Variants in CNTNAP2 observed in about 807,000 individuals in gnomAD.
CNTNAP2 encodes contactin-associated protein-like 2.
CNTNAP2 carries 98 observed loss-of-function variants against 155.2 expected under a neutral mutation model. That is an observed-to-expected ratio of 0.63 (90% CI 0.54 to 0.75). CNTNAP2 has a LOEUF of 0.75. Among genes scored for constraint, CNTNAP2 ranks in the 30% least tolerant of loss-of-function variants. The pLI is 0.00. For missense variants in CNTNAP2, 1,727 were observed against 1,688.1 expected, an observed-to-expected ratio of 1.02 and a Z score of -0.40; for synonymous variants, 651 against 631.2, an observed-to-expected ratio of 1.03 and a Z score of -0.47.
intron 1 of CNTNAP2, among the ~76,000 whole-genome samples, chr7:146,666,132 C>T (rs116657146): frequency 0.013 from 1,937 of 152,106 alleles, 32 homozygotes; most frequent in African/African-American, 0.041. Flanking sequence ...TGATAAATCT[C>T]TCCCTCTCTC....
chr7:148,266,791 C>T (rs1796678069), intron 20 of CNTNAP2, among the ~76,000 whole-genome samples: 2 of 152,150 alleles, frequency 1.3e-5, no homozygotes, highest in African/African-American at 4.8e-5. Flanking sequence ...AGAAAATGTA[C>T]ATCACCTGGA....
chr7:146,500,923 T>C (rs1161162128), intron 1 of CNTNAP2, among the ~76,000 whole-genome samples: 2 of 152,194 alleles, frequency 1.3e-5, no homozygotes, highest in African/African-American at 4.8e-5. Flanking sequence ...ACTATACTTA[T>C]CATGAAAGGG....
At chr7:147,203,363 CT>C (rs1310426712) in intron 8 of CNTNAP2, among the ~76,000 whole-genome samples, 2 of 152,104 alleles carry the variant, frequency 1.3e-5, no homozygotes, top group African/African-American at 4.8e-5. Context: ...TCCCCAGTAG[CT>C]GGGATTACAG....
rs1799531248 is a variant in CNTNAP2 at position 146,632,799 on chromosome 7, T to C, written c.98-141472T>C. ...ATTTAAAATTATAATCTATGAATACTCATCAAAAATCACATTAGAATTTAT... is the reference window on the plus strand; with the variant it reads ...ATTTAAAATTATAATCTATGAATACCCATCAAAAATCACATTAGAATTTAT... On this transcript the variant is annotated intron_variant, in intron 1 of 23. Transcript: ENST00000361727. Among the ~76,000 whole-genome samples the C allele has an allele frequency of 2.0e-5, 3 of 152,022 alleles. No individual in the cohort carries two copies. In the South Asian group the frequency reaches 6.2e-4, roughly 31 times the overall value.
At chr7:147,931,986 G>C (rs1800514084) in intron 14 of CNTNAP2, among the ~76,000 whole-genome samples, 1 of 151,918 alleles carries the variant, frequency 6.6e-6, no homozygotes, top group South Asian at 2.1e-4. Flanking sequence ...CCCGTGCTCA[G>C]GCGATCCTCC....
rs553711747 is a variant in CNTNAP2 at position 147,157,694 on chromosome 7, G to C, written c.1348+25185G>C. Among the ~76,000 whole-genome samples, 8 of 152,086 alleles carry C rather than the reference G, an allele frequency of 5.3e-5. No individual in the cohort carries two copies. The East Asian group carries it at 1.5e-3, about 29-fold the overall frequency. ...GCTTCCACATCCCTCATTTGTCATT[G>C]TTTTGCAAGATCCTAGCCCAGTGCC... On this transcript the variant is annotated intron_variant, in intron 8 of 23. Transcript: ENST00000361727.
At chr7:146,721,887 A>ATTTTT (rs1265800742) in intron 1 of CNTNAP2, among the ~76,000 whole-genome samples, 1 of 81,996 alleles carries the variant, frequency 1.2e-5, no homozygotes, top group African/African-American at 2.0e-4. Context: ...ATATATATAT[A>ATTTTT]TATTTTTTTT....
At chr7:147,424,156 C>T (rs745687193) in intron 10 of CNTNAP2, among the ~76,000 whole-genome samples, 8 of 152,158 alleles carry the variant, frequency 5.3e-5, no homozygotes, top group Non-Finnish European at 1.2e-4. Context: ...CCCCCAATAC[C>T]TTCAATCTAC....
intron 3 of CNTNAP2, among the ~76,000 whole-genome samples, chr7:146,970,961 A>C (rs899143799): frequency 2.6e-5 from 4 of 152,216 alleles, no homozygotes; most frequent in Non-Finnish European, 4.4e-5. Flanking sequence ...TATAGCAATA[A>C]CAAAAAACCA....
intron 10 of CNTNAP2, among the ~76,000 whole-genome samples, chr7:147,424,267 T>C (rs1163871795): frequency 6.6e-6 from 1 of 152,170 alleles, no homozygotes; most frequent in African/African-American, 2.4e-5. Flanking sequence ...TTCACTTTCT[T>C]TTGCCTCATT....
At chr7:146,990,088 AAG>A (rs1491561152) in intron 3 of CNTNAP2, among the ~76,000 whole-genome samples, 4 of 152,144 alleles carry the variant, frequency 2.6e-5, no homozygotes, top group Admixed American at 6.6e-5. Flanking sequence ...AATAAAAAAA[AAG>A]GGGTTGAGGA....
At chr7:146,402,886 G>T (rs775341300) in intron 1 of CNTNAP2, among the ~76,000 whole-genome samples, 1 of 152,010 alleles carries the variant, frequency 6.6e-6, no homozygotes, top group African/African-American at 2.4e-5. Flanking sequence ...GCTCTGGATT[G>T]CATAATTATA....
chr7:147,955,489 T>C (rs1371267870), intron 14 of CNTNAP2, among the ~76,000 whole-genome samples: 1 of 152,198 alleles, frequency 6.6e-6, no homozygotes, highest in Non-Finnish European at 1.5e-5. Context: ...AGGAAATTGA[T>C]GTCTTAATAT....
intron 3 of CNTNAP2, among the ~76,000 whole-genome samples, chr7:146,935,119 A>G (rs962802347): frequency 3.3e-5 from 5 of 152,196 alleles, no homozygotes; most frequent in African/African-American, 1.2e-4. Flanking sequence ...CTTTAAGGTA[A>G]ATCTAACCAG....
intron 1 of CNTNAP2, among the ~76,000 whole-genome samples, chr7:146,769,402 C>T (rs1034702710): frequency 6.6e-6 from 1 of 152,104 alleles, no homozygotes; most frequent in South Asian, 2.1e-4. Flanking sequence ...AACAAAAAAG[C>T]AGACTTTTTA....
At chr7:146,187,187 G>A (rs868245936) in intron 1 of CNTNAP2, among the ~76,000 whole-genome samples, 1 of 152,172 alleles carries the variant, frequency 6.6e-6, no homozygotes, top group Non-Finnish European at 1.5e-5. Context: ...TTGTCACTCA[G>A]AATATCATCC....
chr7:147,922,279 T>C (rs1222502007), intron 14 of CNTNAP2, among the ~76,000 whole-genome samples: 1 of 152,198 alleles, frequency 6.6e-6, no homozygotes, highest in Non-Finnish European at 1.5e-5. Flanking sequence ...TTTCTAAATG[T>C]ATGAATTGGT....
chr7:146,744,566 T>C (rs1458967586), intron 1 of CNTNAP2, among the ~76,000 whole-genome samples: 1 of 152,224 alleles, frequency 6.6e-6, no homozygotes, highest in Non-Finnish European at 1.5e-5. Context: ...CTTCTCTCAA[T>C]GTCTGCATTG....
chr7:148,018,543 G>A (rs1046468132), intron 15 of CNTNAP2, among the ~76,000 whole-genome samples: 19 of 152,218 alleles, frequency 1.2e-4, no homozygotes, highest in African/African-American at 4.6e-4. Context: ...AAATGGAAAA[G>A]GAGAAGGCAT....
Sources: allele counts gnomAD v4.1 joint callset (sites outside exome capture counted in the v4.1 genomes callset), GRCh38; gene constraint gnomAD v4.1.1; transcripts MANE v1.5; gene names NCBI Gene and HGNC (gene_info 2026-07-23, HGNC 2026-07-21).